Variants in GPHN observed in about 807,000 individuals in gnomAD.
GPHN encodes the protein gephyrin.
Under a neutral mutation model 95.5 loss-of-function variants are expected in GPHN, and 17 were observed. The observed-to-expected ratio is 0.18, with a 90% CI of 0.12 to 0.27. The LOEUF (loss-of-function observed/expected upper bound fraction) is 0.27. Ranked by LOEUF, GPHN falls within the 10% of genes least tolerant of loss-of-function variation. GPHN has a pLI of 1.00. For synonymous variants in GPHN, 320 were observed against 322.5 expected (o/e 0.99, Z 0.08); for missense variants, 660 against 978.1 (o/e 0.67, Z 4.34).
chr14:67,732,167 C>A, the GPHN span, among the ~76,000 whole-genome samples: 1 of 146,332 alleles, frequency 6.8e-6, no homozygotes, highest in Non-Finnish European at 1.5e-5. Context: ...CTGGGTGTGG[C>A]GGCTCATGCC....
the GPHN span, among the ~76,000 whole-genome samples, chr14:67,638,798 T>TCAGACC: frequency 1.3e-5 from 2 of 152,230 alleles, no homozygotes; most frequent in Non-Finnish European, 2.9e-5. Flanking sequence ...CATCAGGCTT[T>TCAGACC]CAGACCCAGA....
chr14:67,577,897 T>C, the GPHN span: 4 of 763,942 alleles, frequency 5.2e-6, no homozygotes, highest in East Asian at 2.6e-5. Context: ...GTAGCAGTGC[T>C]CCCTCTTAGA....
chr14:66,718,382 C>T (rs111937368), intron 2 of GPHN, among the ~76,000 whole-genome samples: 1,756 of 152,156 alleles, frequency 0.012, 27 homozygotes, highest in African/African-American at 0.037. Context: ...TTCGTGGTCT[C>T]GCTGACTTCA....
At chr14:67,113,804 CT>C (rs2078517548) in intron 16 of GPHN, among the ~76,000 whole-genome samples, 2 of 152,110 alleles carry the variant, frequency 1.3e-5, no homozygotes, top group Non-Finnish European at 2.9e-5. Context: ...CTTCCTATTG[CT>C]TGTTTTGCTT....
At chr14:66,598,449 A>G (rs1331318734) in intron 1 of GPHN, among the ~76,000 whole-genome samples, 1 of 152,148 alleles carries the variant, frequency 6.6e-6, no homozygotes, top group Non-Finnish European at 1.5e-5. Context: ...ATAGTTTTAT[A>G]TTTAGTGAAT....
chr14:67,542,559 A>G, the GPHN span, among the ~76,000 whole-genome samples: 4 of 152,350 alleles, frequency 2.6e-5, no homozygotes, highest in African/African-American at 9.6e-5. Context: ...TCACATATGT[A>G]AAGGTCCTGA....
chr14:66,615,085 C>T (rs1247505030), intron 1 of GPHN, among the ~76,000 whole-genome samples: 3 of 152,204 alleles, frequency 2.0e-5, no homozygotes, highest in Admixed American at 6.6e-5. Flanking sequence ...ATGGTGTATA[C>T]GTATCACATT....
chr14:67,198,406 T>C, the GPHN span: 5 of 1,305,822 alleles, frequency 3.8e-6, no homozygotes, highest in South Asian at 6.9e-5. Flanking sequence ...AGGAGAATTG[T>C]TTTAAATGTG....
intron 22 of GPHN, 80 bp from the exon 23 acceptor site, chr14:67,180,724 A>G (rs2083285793): frequency 1.5e-6 from 2 of 1,378,898 alleles, no homozygotes; most frequent in Admixed American, 3.6e-5. Flanking sequence ...CTGTCTGTTT[A>G]CATTTTGAAA....
chr14:66,783,768 G>T lies in GPHN; in HGVS notation c.201+7247G>T, dbSNP rs1351372929. 3.3e-5 allele frequency among the ~76,000 whole-genome samples: 5 copies of T among 152,150 alleles called. No homozygotes were observed. The South Asian group carries it at 1.0e-3, about 32-fold the overall frequency. ...GAAAGGTCTCAGCAGAGCCAAGAAG[G>T]GAGCTGAACTTCTACCTTACAGTCT... is the stretch of plus-strand genomic sequence containing the variant. On this transcript the variant is annotated intron_variant, in intron 3 of 22. Coordinates refer to ENST00000478722, the MANE Select transcript of GPHN (RefSeq NM_020806.5).
the GPHN span, among the ~76,000 whole-genome samples, chr14:67,572,684 T>C: frequency 3.5e-3 from 534 of 152,292 alleles, 7 homozygotes; most frequent in African/African-American, 0.012. Context: ...CTTGGGGTCA[T>C]TAGCCCATCT....
the GPHN span, among the ~76,000 whole-genome samples, chr14:67,604,887 GA>G: frequency 6.6e-6 from 1 of 152,062 alleles, no homozygotes; most frequent in Admixed American, 6.6e-5. Context: ...CCCTAATTGA[GA>G]TAGTGCCTTT....
At chr14:66,704,768 G>A (rs1331818151) in intron 2 of GPHN, among the ~76,000 whole-genome samples, 2 of 152,196 alleles carry the variant, frequency 1.3e-5, no homozygotes, top group South Asian at 2.1e-4. Flanking sequence ...AGACGCAAGA[G>A]CAAACTAATC....
At chr14:67,580,164 A>C in the GPHN span, 1 of 318,870 alleles carries the variant, frequency 3.1e-6, no homozygotes, top group African/African-American at 2.1e-5. Context: ...GTGTAGGGAC[A>C]GTGAGGCCCC....
chr14:67,439,585 C>CTTTCTTTCTT, the GPHN span, among the ~76,000 whole-genome samples: 1 of 132,322 alleles, frequency 7.6e-6, no homozygotes, highest in Non-Finnish European at 1.6e-5. Flanking sequence ...TTCTTTCTTT[C>CTTTCTTTCTT]TTTCTTTCTT....
At chr14:66,690,255 A>T (rs1238268843) in intron 2 of GPHN, among the ~76,000 whole-genome samples, 2 of 152,046 alleles carry the variant, frequency 1.3e-5, no homozygotes, top group Admixed American at 6.6e-5. Flanking sequence ...TGTTTCAAGA[A>T]ATTTGAAATT....
chr14:67,293,669 A>G, the GPHN span, among the ~76,000 whole-genome samples: 1 of 152,232 alleles, frequency 6.6e-6, no homozygotes, highest in Non-Finnish European at 1.5e-5. Flanking sequence ...CATGTAGGCA[A>G]TTCTGGACTC....
the GPHN span, among the ~76,000 whole-genome samples, chr14:67,336,991 A>G: frequency 1.5e-4 from 23 of 152,316 alleles, no homozygotes; most frequent in African/African-American, 5.3e-4. Flanking sequence ...CTTAGACTTA[A>G]ATTCTGGATT....
At chr14:66,971,867 T>G (rs533732830) in intron 9 of GPHN, among the ~76,000 whole-genome samples, 2 of 152,314 alleles carry the variant, frequency 1.3e-5, no homozygotes, top group Admixed American at 1.3e-4. Context: ...AAAAGTCACC[T>G]TCATTAATAT....
Sources: allele counts gnomAD v4.1 joint callset (sites outside exome capture counted in the v4.1 genomes callset), GRCh38; gene constraint gnomAD v4.1.1; transcripts MANE v1.5; gene names NCBI Gene and HGNC (gene_info 2026-07-23, HGNC 2026-07-21).